Variants in KANSL1L observed in about 807,000 individuals in gnomAD.
The protein encoded by KANSL1L is KAT8 regulatory NSL complex subunit 1-like protein.
KANSL1L carries 25 observed loss-of-function variants against 108.6 expected under a neutral mutation model. That is an observed-to-expected ratio of 0.23 (90% CI 0.17 to 0.32). The LOEUF (loss-of-function observed/expected upper bound fraction) is 0.32, where lower values mean the gene tolerates loss of function less well. Ranked by LOEUF, KANSL1L falls within the 10% of genes least tolerant of loss-of-function variation. KANSL1L has a pLI of 1.00. For synonymous variants in KANSL1L, 405 were observed against 395.1 expected, an observed-to-expected ratio of 1.03 and a Z score of -0.30; for missense variants, 1,137 against 1,125.7, an observed-to-expected ratio of 1.01 and a Z score of -0.14.
At position 210,044,722 on chromosome 2, in the gene KANSL1L, T is replaced by C. The variant is rs568580609; in HGVS notation, c.1756-618A>G. Among the ~76,000 whole-genome samples, 5 of 152,240 alleles carry C rather than the reference T, an allele frequency of 3.3e-5. No individual in the cohort carries two copies. Among genetic ancestry groups the C allele is most frequent in the African/African-American group, 1.2e-4 (5 of 41,554 alleles). On this transcript the variant is annotated intron_variant, in intron 6 of 14. Transcript: ENST00000281772. This position sits in a 1 kb window ranked among gnomAD's most constrained non-coding sequence, Gnocchi z 4.2. Reference sequence around the variant, plus strand: ...AACCTAATAAAATGATTACATGACTTTTCTTCTGTACTCTATTATAAAGTG... The same window carrying C: ...AACCTAATAAAATGATTACATGACTCTTCTTCTGTACTCTATTATAAAGTG...
chr2:210,104,282 T>C lies in KANSL1L; in HGVS notation c.1250A>G (p.Glu417Gly). The C allele has an allele frequency of 6.2e-7, 1 of 1,613,588 alleles. No homozygotes were observed. The highest frequency in any genetic ancestry group is 1.1e-5 in the South Asian group (1 of 91,072). ...RASKGIVVLE[E>G]CQLPKDILKK... ...CAAAATATCTTTTGGAAGCTGACATTCTTCTAGGACCACTATCCCCTAGAC... is the reference window on the plus strand; with the variant it reads ...CAAAATATCTTTTGGAAGCTGACATCCTTCTAGGACCACTATCCCCTAGAC... The change falls in exon 4 of 15, where the codon GAA (glutamate) becomes GGA (glycine). Residue 417 changes from glutamate to glycine, a missense_variant. Glu to Gly is a moderately conservative substitution (Grantham distance 98). Around this residue, in one of 3 missense-constraint regions of KANSL1L, gnomAD observed 556 missense variants for 537.7 expected, o/e 1.03. Transcript: ENST00000281772.
intron 8 of KANSL1L, among the ~76,000 whole-genome samples, chr2:210,031,752 A>G (rs558960796): frequency 6.6e-6 from 1 of 152,210 alleles, no homozygotes; most frequent in East Asian, 1.9e-4. Flanking sequence ...TTTGAGGGGG[A>G]TGAAAAGGGA....
intron 3 of KANSL1L, among the ~76,000 whole-genome samples, chr2:210,117,390 C>T (rs1002185930): frequency 9.2e-5 from 14 of 151,906 alleles, no homozygotes; most frequent in African/African-American, 3.4e-4. Flanking sequence ...TATTCAAGTA[C>T]AAGAAGGTTA....
intron 6 of KANSL1L, among the ~76,000 whole-genome samples, chr2:210,070,224 CTTTTTT>C (rs71043971): frequency 5.2e-5 from 4 of 77,542 alleles, no homozygotes; most frequent in Admixed American, 2.5e-4. Context: ...TTTCTCCGTT[CTTTTTT>C]TTTTTTTTTT....
At chr2:210,117,806 C>A (rs2094968882) in intron 3 of KANSL1L, among the ~76,000 whole-genome samples, 1 of 152,070 alleles carries the variant, frequency 6.6e-6, no homozygotes, top group Admixed American at 6.6e-5. Flanking sequence ...ACAAGCTGAA[C>A]AATCTAAAAT....
At chr2:210,031,567 A>C in intron 8 of KANSL1L, 21 bp from the exon 9 acceptor site, 1 of 1,456,040 alleles carries the variant, frequency 6.9e-7, no homozygotes, top group South Asian at 1.3e-5. Flanking sequence ...TGAAAAGGAA[A>C]TATTAAGTTT....
chr2:210,110,994 C>T (rs1049569113), intron 3 of KANSL1L, among the ~76,000 whole-genome samples: 1 of 152,062 alleles, frequency 6.6e-6, no homozygotes, highest in Non-Finnish European at 1.5e-5. Context: ...TTCTTGTAGT[C>T]CCATCTACCC....
rs570905407 is a variant in KANSL1L at position 210,030,338 on chromosome 2, T to C, written c.2156-420A>G. Among the ~76,000 whole-genome samples, 3 of 152,046 alleles carry C rather than the reference T, an allele frequency of 2.0e-5. No individual in the cohort carries two copies. The South Asian group carries it at 6.2e-4, about 32-fold the overall frequency. ...GAACACTCTTAATTTTTTGAAAAAATTCTGCTATTATAAGTACATGTTTCC... is the reference window on the plus strand; with the variant it reads ...GAACACTCTTAATTTTTTGAAAAAACTCTGCTATTATAAGTACATGTTTCC... On this transcript the variant is annotated intron_variant, in intron 9 of 14. Transcript: ENST00000281772.
intron 6 of KANSL1L, among the ~76,000 whole-genome samples, chr2:210,051,878 G>GA (rs2094295906): frequency 6.6e-6 from 1 of 151,994 alleles, no homozygotes; most frequent in Non-Finnish European, 1.5e-5. Flanking sequence ...TTTGGCTGTG[G>GA]AAATAGTCAT....
intron 10 of KANSL1L, 191 bp from the exon 11 acceptor site, chr2:210,029,160 C>T: frequency 3.9e-6 from 2 of 517,908 alleles, no homozygotes; most frequent in Non-Finnish European, 6.7e-6. Context: ...TAAATCAGAA[C>T]AATCTCTTGG....
At chr2:210,137,326 G>A (rs1422464567) in intron 2 of KANSL1L, among the ~76,000 whole-genome samples, 1 of 152,134 alleles carries the variant, frequency 6.6e-6, no homozygotes, top group African/African-American at 2.4e-5. Context: ...TTCAGCTACT[G>A]CTAAGAATTC....
chr2:210,166,091 A>AG (rs1687941267), intron 1 of KANSL1L, among the ~76,000 whole-genome samples: 1 of 152,106 alleles, frequency 6.6e-6, no homozygotes, highest in South Asian at 2.1e-4. Context: ...TGAAACATAT[A>AG]CCCCAAAAAT....
intron 3 of KANSL1L, among the ~76,000 whole-genome samples, chr2:210,116,814 C>T (rs992589017): frequency 1.3e-5 from 2 of 152,134 alleles, no homozygotes; most frequent in African/African-American, 4.8e-5. Flanking sequence ...AAATAACTAA[C>T]TTTTCAATGT....
At chr2:210,041,183 C>A (rs753980284) in intron 7 of KANSL1L, among the ~76,000 whole-genome samples, 27 of 152,148 alleles carry the variant, frequency 1.8e-4, no homozygotes, top group Non-Finnish European at 4.0e-4. Context: ...TGTACTCTCA[C>A]AACCAAAGAG....
At chr2:210,090,749 T>C (rs1575511333) in intron 5 of KANSL1L, among the ~76,000 whole-genome samples, 1 of 152,194 alleles carries the variant, frequency 6.6e-6, no homozygotes, top group Admixed American at 6.5e-5. Flanking sequence ...TCTAGGCTGG[T>C]CTCAAACTCC....
chr2:210,070,698 CT>C (rs973580681), intron 6 of KANSL1L, among the ~76,000 whole-genome samples: 1 of 152,168 alleles, frequency 6.6e-6, no homozygotes, highest in Admixed American at 6.5e-5. Context: ...AACTGAGTGG[CT>C]GAAATAACAG....
intron 3 of KANSL1L, among the ~76,000 whole-genome samples, chr2:210,113,015 A>G (rs76917084): frequency 0.017 from 2,569 of 152,324 alleles, 77 homozygotes; most frequent in African/African-American, 0.059. Flanking sequence ...TACAGCCTGC[A>G]TAAGTCAGGG....
chr2:210,036,043 G>T (rs188505810), intron 8 of KANSL1L, among the ~76,000 whole-genome samples: 215 of 152,260 alleles, frequency 1.4e-3, no homozygotes, highest in South Asian at 2.5e-3. Flanking sequence ...TTCTTTCTCT[G>T]TAAATTCCAA....
chr2:210,151,586 G>A (rs2095304138), intron 2 of KANSL1L: 1 of 152,120 alleles, frequency 6.6e-6, no homozygotes, highest in East Asian at 1.9e-4. Flanking sequence ...TCATATATAT[G>A]AGCAAAATCC....
Sources: gnomAD v4.1 joint callset for allele counts (sites outside exome capture counted in the v4.1 genomes callset) on GRCh38, gnomAD v4.1.1 for gene constraint, gnomAD v4.1.1 regional missense constraint, Gnocchi (gnomAD v3.1) non-coding constraint, MANE v1.5 for transcripts, NCBI Gene and HGNC (gene_info 2026-07-23, HGNC 2026-07-21) for gene names.